The following TRIM4 variants were observed in gnomAD, a reference collection of about 807,000 sequenced individuals.
The protein encoded by TRIM4 is tripartite motif containing 4.
A neutral mutation model predicts 33.7 loss-of-function variants in TRIM4; 29 were observed. The observed-to-expected ratio is 0.86, with a 90% CI of 0.64 to 1.17. The LOEUF (loss-of-function observed/expected upper bound fraction) is 1.17. Ranked by LOEUF, TRIM4 falls within the 50% of genes most tolerant of loss-of-function variation. The pLI is 0.00. For synonymous variants in TRIM4, 224 were observed against 233.0 expected, an observed-to-expected ratio of 0.96 and a Z score of 0.35; for missense variants, 554 against 593.7, an observed-to-expected ratio of 0.93 and a Z score of 0.69.
At chr7:99,892,898 C>G in intron 5 of TRIM4, 152 bp from the exon 6 acceptor site, 1 of 693,904 alleles carries the variant, frequency 1.4e-6, no homozygotes. Flanking sequence ...CCAGGCCTAG[C>G]AGGCCACAGC....
chr7:99,919,337 G>A lies in TRIM4; in HGVS notation c.65C>T (p.Pro22Leu). 1 of 1,579,526 alleles carries A rather than the reference G, an allele frequency of 6.3e-7. No homozygotes were observed. The highest frequency in any genetic ancestry group is 1.8e-5 in the Admixed American group (1 of 55,574). ...GTTGTGGCCGCACTCGATGGACACC[G>A]GGTCCTGGAAATAGTCCAGGCAGAT... ...CPICLDYFQD[P>L]VSIECGHNFC... Residue 22 changes from proline to leucine, a missense_variant, in exon 1 of 6, where the codon CCG (proline) becomes CTG (leucine). Physicochemically the swap from Pro to Leu is moderately conservative, Grantham distance 98. Around this residue, in one of 3 missense-constraint regions of TRIM4, gnomAD observed 233 missense variants for 203.1 expected, o/e 1.15. Transcript: ENST00000349062.
rs1264417055 is a variant in TRIM4 at position 99,907,391 on chromosome 7, T to C, written c.720+1191A>G. Among the ~76,000 whole-genome samples the C allele has an allele frequency of 3.3e-5, 5 of 152,368 alleles. No individual in the cohort carries two copies. The East Asian group carries it at 7.7e-4, about 23-fold the overall frequency. ...TCCCAAAGTGTTGGGATTACAGGCG[T>C]GAGCCACTGCACCCGGCCCCAGTTT... On this transcript the variant is annotated intron_variant, in intron 3 of 5. Transcript: ENST00000349062.
At chr7:99,916,649 C>G in intron 1 of TRIM4, 1 of 768,708 alleles carries the variant, frequency 1.3e-6, no homozygotes, top group South Asian at 1.4e-5. Flanking sequence ...CATTATCACT[C>G]CATCCCTCCC....
chr7:99,907,244 A>G (rs543180536), intron 3 of TRIM4, among the ~76,000 whole-genome samples: 4 of 152,158 alleles, frequency 2.6e-5, no homozygotes, highest in Non-Finnish European at 5.9e-5. Context: ...CAGCCTCCCA[A>G]GTAGCTGAGA....
At chr7:99,908,852 G>A (rs1262280037) in intron 2 of TRIM4, 40 bp from the exon 3 acceptor site, 1 of 1,565,120 alleles carries the variant, frequency 6.4e-7, no homozygotes. Flanking sequence ...TTTTCTGCCT[G>A]ACCCCAGCTA....
chr7:99,909,937 G>T (rs1402333742), intron 1 of TRIM4, among the ~76,000 whole-genome samples: 1 of 151,712 alleles, frequency 6.6e-6, no homozygotes, highest in East Asian at 1.9e-4. Flanking sequence ...TCCCTATGTT[G>T]CCCAGGCTGG....
chr7:99,913,128 CTA>C (rs1168044610), intron 1 of TRIM4, among the ~76,000 whole-genome samples: 1 of 152,154 alleles, frequency 6.6e-6, no homozygotes, highest in Non-Finnish European at 1.5e-5. Context: ...TAGAGATTTT[CTA>C]TGTCTTAAAA....
chr7:99,911,926 C>T (rs1460019086), intron 1 of TRIM4, among the ~76,000 whole-genome samples: 1 of 152,074 alleles, frequency 6.6e-6, no homozygotes, highest in Admixed American at 6.5e-5. Flanking sequence ...TGGCAAAAAC[C>T]GCAATTACAT....
chr7:99,903,245 T>C lies in TRIM4; in HGVS notation c.814A>G (p.Met272Val), dbSNP rs1819216089. Residue 272 changes from methionine to valine, a missense_variant, in exon 5 of 6, where the codon ATG becomes GTG. By Grantham distance (21) the Met-to-Val change is conservative. Transcript: ENST00000349062. Reference sequence around the variant, plus strand: ...TGGAATCGCTTTAGCATTTCCTTCATCAATGGTATCTGGCACACTGTCTTC... The same window carrying C: ...TGGAATCGCTTTAGCATTTCCTTCACCAATGGTATCTGGCACACTGTCTTC... Reference protein sequence around the residue: ...KVKTVCQIPLMKEMLKRFQVA... With the variant: ...KVKTVCQIPLVKEMLKRFQVA... The C allele has an allele frequency of 6.2e-7, 1 of 1,613,082 alleles. No homozygotes were observed.
At chr7:99,903,345 G>A in intron 4 of TRIM4, 30 bp from the exon 5 acceptor site, 1 of 1,537,606 alleles carries the variant, frequency 6.5e-7, no homozygotes, top group African/African-American at 1.4e-5. Flanking sequence ...TGCTCTTAGG[G>A]GACAACTAGG....
rs1819643226 is a variant in TRIM4 at position 99,919,467 on chromosome 7, G to A, written c.-66C>T. ...CGGGAGAGGCCAGCAAGCTGCGAGCGGCCGCGGGGAGGCCAGACGACTTCC... is the reference window on the plus strand; with the variant it reads ...CGGGAGAGGCCAGCAAGCTGCGAGCAGCCGCGGGGAGGCCAGACGACTTCC... On this transcript the variant is annotated 5_prime_UTR_variant, in exon 1 of 6. Transcript: ENST00000349062. 1.4e-6 allele frequency: 2 copies of A among 1,428,532 alleles called. No individual in the cohort carries two copies. Among genetic ancestry groups the A allele is most frequent in the Non-Finnish European group, 1.8e-6 (2 of 1,089,998 alleles). The allele number at this position is 1,428,532 out of a possible 1,614,324, so 88.5% of individuals were successfully genotyped here.
intron 5 of TRIM4, among the ~76,000 whole-genome samples, chr7:99,902,781 C>A (rs909323383): frequency 9.2e-5 from 14 of 151,860 alleles, no homozygotes; most frequent in Admixed American, 6.6e-4. Flanking sequence ...GCTGCTTCTG[C>A]TTGAAACAGT....
At chr7:99,911,519 A>T (rs958325012) in intron 1 of TRIM4, among the ~76,000 whole-genome samples, 2 of 152,350 alleles carry the variant, frequency 1.3e-5, no homozygotes. Context: ...GAACTAAAAA[A>T]TAATCTGTAC....
intron 5 of TRIM4, among the ~76,000 whole-genome samples, chr7:99,899,282 T>C (rs1434985445): frequency 6.6e-6 from 1 of 152,194 alleles, no homozygotes; most frequent in South Asian, 2.1e-4. Context: ...GCCCTTTCTT[T>C]TGGGTTAAAT....
intron 4 of TRIM4, 25 bp downstream of exon 4, chr7:99,903,551 C>T: frequency 6.2e-7 from 1 of 1,614,056 alleles, no homozygotes; most frequent in Non-Finnish European, 8.5e-7. Context: ...CACCCAGGTC[C>T]CCATAAGAGA....
intron 3 of TRIM4, among the ~76,000 whole-genome samples, chr7:99,905,877 G>A (rs1247649837): frequency 6.6e-6 from 1 of 152,236 alleles, no homozygotes. Flanking sequence ...GGGTGTGGTG[G>A]CTCACGCCTG....
chr7:99,904,695 A>G (rs1425870422), intron 3 of TRIM4, among the ~76,000 whole-genome samples: 1 of 152,188 alleles, frequency 6.6e-6, no homozygotes, highest in Non-Finnish European at 1.5e-5. Flanking sequence ...AAAACTGGTT[A>G]ATTACCACAT....
At chr7:99,894,350 T>C (rs1818964133) in intron 5 of TRIM4, among the ~76,000 whole-genome samples, 1 of 152,174 alleles carries the variant, frequency 6.6e-6, no homozygotes, top group Non-Finnish European at 1.5e-5. Flanking sequence ...TCTTAAATGT[T>C]TGGTGAAATG....
At chr7:99,906,049 C>G (rs1819295704) in intron 3 of TRIM4, among the ~76,000 whole-genome samples, 1 of 152,000 alleles carries the variant, frequency 6.6e-6, no homozygotes, top group East Asian at 1.9e-4. Context: ...GGAGGCTGAG[C>G]CCAGAGAATA....
Sources: allele counts gnomAD v4.1 joint callset (sites outside exome capture counted in the v4.1 genomes callset), GRCh38; gene constraint gnomAD v4.1.1; regional missense constraint gnomAD v4.1.1; transcripts MANE v1.5; gene names NCBI Gene and HGNC (gene_info 2026-07-23, HGNC 2026-07-21).